TSPAN4: variants seen among roughly 807,000 people sequenced by gnomAD.
The protein encoded by TSPAN4 is tetraspanin-4.
In TSPAN4, 38 loss-of-function variants were observed where a neutral mutation model predicts 31.5. The ratio of observed to expected loss-of-function variants is 1.21; its 90% CI spans 0.93 to 1.58. The LOEUF is 1.58. Ranked by LOEUF, TSPAN4 falls within the 40% of genes most tolerant of loss-of-function variation. The pLI, the probability that TSPAN4 is intolerant of heterozygous loss-of-function variation, is 0.00. For synonymous variants in TSPAN4, 186 were observed against 144.6 expected, an observed-to-expected ratio of 1.29 and a Z score of -2.06; for missense variants, 330 against 317.3, an observed-to-expected ratio of 1.04 and a Z score of -0.30.
intron 3 of TSPAN4, among the ~76,000 whole-genome samples, chr11:856,344 C>T (rs889805079): frequency 2.6e-5 from 4 of 151,528 alleles, no homozygotes; most frequent in East Asian, 1.9e-4. Flanking sequence ...GATGGTCTCA[C>T]GCAGGTCCTG....
chr11:860,683 G>A (rs1487641228), intron 3 of TSPAN4, among the ~76,000 whole-genome samples: 1 of 152,194 alleles, frequency 6.6e-6, no homozygotes, highest in Non-Finnish European at 1.5e-5. Flanking sequence ...GGCCACTGGG[G>A]CTTGGGAGGC....
At position 855,838 on chromosome 11, in the gene TSPAN4, T is replaced by C. The variant is rs1440505248; in HGVS notation, c.63+5471T>C. 9.2e-5 allele frequency among the ~76,000 whole-genome samples: 14 copies of C among 152,170 alleles called. 1 individual carries two copies. The highest frequency in any genetic ancestry group is 2.1e-4 in the Non-Finnish European group (14 of 68,026). On this transcript the variant is annotated intron_variant, in intron 3 of 8. Coordinates refer to ENST00000397397, the MANE Select transcript of TSPAN4 (RefSeq NM_003271.5). ...TGTGCTGGCTGCTAGCATCCCTGTG[T>C]CTGGACAGAGCCCTGGCCCCTGCAG...
chr11:863,972 C>G (rs888016473), intron 4 of TSPAN4: 1 of 187,000 alleles, frequency 5.3e-6, no homozygotes, highest in African/African-American at 2.3e-5. Flanking sequence ...AGGACTGTGA[C>G]GTGTGGGCAG....
rs373507525 is a variant in TSPAN4 at position 864,527 on chromosome 11, C to T, written c.330+16C>T. The T allele has an allele frequency of 1.5e-5, 24 of 1,611,046 alleles. No homozygotes were observed. The African/African-American group carries it at 2.8e-4, about 19-fold the overall frequency. On this transcript the variant is annotated intron_variant, in intron 5 of 8. Coordinates refer to ENST00000397397, the MANE Select transcript of TSPAN4 (RefSeq NM_003271.5). Reference sequence around the variant, plus strand: ...CACGGACAAGGTACGGCTGCCTTGGCCGCAGGCCCAACTGCAGGGCTGGGG... The same window carrying T: ...CACGGACAAGGTACGGCTGCCTTGGTCGCAGGCCCAACTGCAGGGCTGGGG...
intron 2 of TSPAN4, chr11:849,800 C>CGCGGG (rs1259843463): frequency 4.9e-5 from 6 of 121,360 alleles, no homozygotes; most frequent in Non-Finnish European, 5.2e-5. Context: ...GCCGGGAGGG[C>CGCGGG]GCGGGGCGGG....
At chr11:850,459 C>A in intron 3 of TSPAN4, 92 bp downstream of exon 3, 1 of 1,131,726 alleles carries the variant, frequency 8.8e-7, no homozygotes, top group South Asian at 1.3e-5. Context: ...GTCGCTGCCC[C>A]GGCCAGGCGT....
rs561032775 is a variant in TSPAN4 at position 851,314 on chromosome 11, G to T, written c.63+947G>T. ...TGAAGTGATACCAAGGTCATTCTGTGCCCTATTCTTAATTCCTGAACCAGC... is the reference window on the plus strand; with the variant it reads ...TGAAGTGATACCAAGGTCATTCTGTTCCCTATTCTTAATTCCTGAACCAGC... On this transcript the variant is annotated intron_variant, in intron 3 of 8. Coordinates refer to ENST00000397397, the MANE Select transcript of TSPAN4 (RefSeq NM_003271.5). Among the ~76,000 whole-genome samples the T allele has an allele frequency of 2.6e-5, 4 of 152,338 alleles. No homozygotes were observed. The East Asian group carries it at 7.7e-4, about 29-fold the overall frequency.
chr11:861,269 C>T (rs1233016878), intron 3 of TSPAN4, among the ~76,000 whole-genome samples: 1 of 152,244 alleles, frequency 6.6e-6, no homozygotes, highest in Non-Finnish European at 1.5e-5. Context: ...GTGGCAGGTG[C>T]TCCTGTGGGA....
rs1474338666 is a variant in TSPAN4 at position 865,398 on chromosome 11, G to A, written c.331-115G>A. 4.4e-5 allele frequency: 34 copies of A among 778,406 alleles called. 1 individual carries two copies. The highest frequency in any genetic ancestry group is 2.8e-4 in the African/African-American group (16 of 57,716). 48.2% of individuals were successfully genotyped at this position (778,406 alleles called of 1,614,324 possible). A position where few individuals can be genotyped will look rare whatever the true frequency, so the allele number is the denominator to read the frequency against. ...TGCAGCTTGGTGGGCTAGGAGGCGC[G>A]GGGGACACAAGACCAGGCGCAGGAG... is the stretch of plus-strand genomic sequence containing the variant. On this transcript the variant is annotated intron_variant, in intron 5 of 8. Transcript: ENST00000397397.
chr11:863,197 A>T (rs1210691099), intron 4 of TSPAN4: 1 of 157,766 alleles, frequency 6.3e-6, no homozygotes, highest in African/African-American at 2.4e-5. Flanking sequence ...CCCAGCCCCC[A>T]CCTCGCCTCG....
chr11:862,752 G>C lies in TSPAN4; in HGVS notation c.255+11G>C. The C allele has an allele frequency of 6.2e-7, 1 of 1,603,966 alleles. No individual in the cohort carries two copies. Among genetic ancestry groups the C allele is most frequent in the Non-Finnish European group, 8.5e-7 (1 of 1,175,024 alleles). ...TGCCTCCTGCTCACTGTGAGTGCCG[G>C]GGCCCAAGCGATGCTCCGGGTGGGA... is the stretch of plus-strand genomic sequence containing the variant. On this transcript the variant is annotated intron_variant, in intron 4 of 8. Coordinates refer to ENST00000397397, the MANE Select transcript of TSPAN4 (RefSeq NM_003271.5).
At chr11:845,544 GC>G in intron 1 of TSPAN4, among the ~76,000 whole-genome samples, 1 of 152,182 alleles carries the variant, frequency 6.6e-6, no homozygotes, top group East Asian at 1.9e-4. Context: ...GGCCTGATGT[GC>G]CCCCCCAGAC....
chr11:862,786 G>C (rs764017007), intron 4 of TSPAN4, 45 bp downstream of exon 4: 11 of 1,543,916 alleles, frequency 7.1e-6, no homozygotes, highest in Non-Finnish European at 9.6e-6. Flanking sequence ...GACCACGCAG[G>C]GTGGGGCTCC....
rs1263458923 is a variant in TSPAN4 at position 858,940 on chromosome 11, ACCC to A, written c.64-3607_64-3605del. 9.4e-4 allele frequency among the ~76,000 whole-genome samples: 53 copies of A among 56,678 alleles called. 1 individual carries two copies. Among genetic ancestry groups the A allele is most frequent in the African/African-American group, 2.3e-3 (32 of 14,008 alleles). The allele number at this position is 56,678 out of a possible 152,430, so 37.2% of individuals were successfully genotyped here. On this transcript the variant is annotated intron_variant, in intron 3 of 8. Transcript: ENST00000397397. ...AGCTCTCACGCACCCCCGGGCTCACACCCCCAACAGCTTGCACCCCCGGCACAC... is the reference window on the plus strand; with the variant it reads ...AGCTCTCACGCACCCCCGGGCTCACACCAACAGCTTGCACCCCCGGCACAC...
At chr11:846,136 G>A (rs1234658115) in intron 1 of TSPAN4, among the ~76,000 whole-genome samples, 1 of 152,200 alleles carries the variant, frequency 6.6e-6, no homozygotes, top group Non-Finnish European at 1.5e-5. Context: ...TCTGCTGTCT[G>A]TCCTGAGCTG....
In TSPAN4 at chr11:865,601, T is replaced by C. The variant is rs1283888066; in HGVS notation, c.419T>C (p.Ile140Thr). The change falls in exon 6 of 9, where the codon ATC (isoleucine) becomes ACC (threonine). Residue 140 changes from isoleucine to threonine, a missense_variant. Transcript: ENST00000397397. ...GTGGGCCTCACCAACGCCTGGAGCA[T>C]CATCCAGACCGACGTGAGGCGTGGG... ...GNVGLTNAWS[I>T]IQTDFRCCGV... 4.3e-6 allele frequency: 7 copies of C among 1,612,720 alleles called. No individual in the cohort carries two copies. The highest frequency in any genetic ancestry group is 5.9e-6 in the Non-Finnish European group (7 of 1,179,876).
In TSPAN4 at chr11:848,669, G is replaced by C; in HGVS notation, c.-18+1369G>C. Reference sequence around the variant, plus strand: ...TGGAGCACCCCCTTCCCCTCCCTTAGCTTCCTCTCCCTCCTCTTCCTCCTG... The same window carrying C: ...TGGAGCACCCCCTTCCCCTCCCTTACCTTCCTCTCCCTCCTCTTCCTCCTG... On this transcript the variant is annotated intron_variant, in intron 2 of 8. Coordinates refer to ENST00000397397, the MANE Select transcript of TSPAN4 (RefSeq NM_003271.5). This position sits in a 1 kb window ranked among gnomAD's most constrained non-coding sequence, Gnocchi z 5.7. 3 of 496,470 alleles carry C rather than the reference G, an allele frequency of 6.0e-6. No homozygotes were observed. Among genetic ancestry groups the C allele is most frequent in the Non-Finnish European group, 1.1e-5 (3 of 279,366 alleles). 30.8% of individuals were successfully genotyped at this position (496,470 alleles called of 1,614,324 possible).
At chr11:862,130 G>T (rs1848491972) in intron 3 of TSPAN4, among the ~76,000 whole-genome samples, 1 of 152,228 alleles carries the variant, frequency 6.6e-6, no homozygotes. Context: ...AGTCTGGAAA[G>T]GCTGGAGTGG....
At chr11:843,094 C>T (rs1447037367) in intron 1 of TSPAN4, 179 bp downstream of exon 1, 1 of 151,926 alleles carries the variant, frequency 6.6e-6, no homozygotes, top group African/African-American at 2.4e-5. Flanking sequence ...GGGGCCGGGG[C>T]GGGTCTTCCT....
Sources: gnomAD v4.1 joint callset for allele counts (sites outside exome capture counted in the v4.1 genomes callset) on GRCh38, gnomAD v4.1.1 for gene constraint, Gnocchi (gnomAD v3.1) non-coding constraint, MANE v1.5 for transcripts, NCBI Gene and HGNC (gene_info 2026-07-23, HGNC 2026-07-21) for gene names.